OXCT1: variants seen among roughly 807,000 people sequenced by gnomAD.
OXCT1 encodes 3-oxoacid CoA-transferase 1, also known as succinyl-CoA:3-ketoacid coenzyme A transferase 1, mitochondrial.
In OXCT1, 27 loss-of-function variants were observed where a neutral mutation model predicts 69.6. The observed-to-expected ratio is 0.39, with a 90% CI of 0.29 to 0.54. The LOEUF (loss-of-function observed/expected upper bound fraction) is 0.54, where lower values mean the gene tolerates loss of function less well. OXCT1 is among the 20% of genes least tolerant of loss of function. The pLI, the probability that OXCT1 is intolerant of heterozygous loss-of-function variation, is 0.72. For missense variants in OXCT1, 437 were observed against 650.2 expected (o/e 0.67, Z 3.57); for synonymous variants, 202 against 217.8 (o/e 0.93, Z 0.64).
intron 15 of OXCT1, among the ~76,000 whole-genome samples, chr5:41,749,074 A>T (rs368444114): frequency 3.2e-4 from 49 of 152,194 alleles, no homozygotes; most frequent in African/African-American, 1.2e-3. Context: ...CATGCAAGAA[A>T]CAGAATACAT....
At chr5:41,846,491 A>G (rs1273332725) in intron 5 of OXCT1, among the ~76,000 whole-genome samples, 7 of 149,014 alleles carry the variant, frequency 4.7e-5, no homozygotes, top group Non-Finnish European at 1.0e-4. Flanking sequence ...ATAGTATTCC[A>G]TGGTGTATAT....
At chr5:41,750,036 T>C (rs1425550053) in intron 14 of OXCT1, among the ~76,000 whole-genome samples, 1 of 151,976 alleles carries the variant, frequency 6.6e-6, no homozygotes, top group Non-Finnish European at 1.5e-5. Flanking sequence ...ACTTTATCTG[T>C]TAAAAAAGTA....
chr5:41,852,896 A>C (rs1473197169), intron 4 of OXCT1, among the ~76,000 whole-genome samples: 1 of 152,106 alleles, frequency 6.6e-6, no homozygotes, highest in Non-Finnish European at 1.5e-5. Flanking sequence ...CGTCTCTACT[A>C]AAAATACAGA....
At chr5:41,840,593 T>A in intron 6 of OXCT1, 82 bp from the exon 7 acceptor site, 1 of 798,970 alleles carries the variant, frequency 1.3e-6, no homozygotes, top group Non-Finnish European at 2.1e-6. Flanking sequence ...TTTTATAGAT[T>A]AGAATTTCTA....
chr5:41,792,524 C>T (rs1745971934), intron 13 of OXCT1, among the ~76,000 whole-genome samples: 1 of 152,164 alleles, frequency 6.6e-6, no homozygotes, highest in South Asian at 2.1e-4. Flanking sequence ...CTCTACTACC[C>T]CGTATGGCCC....
chr5:41,855,424 T>C (rs1429048265), intron 3 of OXCT1, among the ~76,000 whole-genome samples: 2 of 152,224 alleles, frequency 1.3e-5, no homozygotes, highest in Admixed American at 6.5e-5. Context: ...CTCCATACTA[T>C]GCTTCAAGAA....
chr5:41,731,346 C>T lies in OXCT1; in HGVS notation c.*383G>A. The T allele has an allele frequency of 2.0e-6, 2 of 1,025,082 alleles. No homozygotes were observed. Among genetic ancestry groups the T allele is most frequent in the East Asian group, 1.8e-4 (2 of 11,424 alleles). The allele number at this position is 1,025,082 out of a possible 1,614,324, so 63.5% of individuals were successfully genotyped here. A position where few individuals can be genotyped will look rare whatever the true frequency, so the allele number is the denominator to read the frequency against. On this transcript the variant is annotated 3_prime_UTR_variant, in exon 17 of 17. Transcript: ENST00000196371. Reference sequence around the variant, plus strand: ...GCAACTCTCCTAACCACAAAAATCACATATGTTATCTTTCTTTCAGGACTA... The same window carrying T: ...GCAACTCTCCTAACCACAAAAATCATATATGTTATCTTTCTTTCAGGACTA...
At chr5:41,787,969 A>G (rs550095740) in intron 13 of OXCT1, among the ~76,000 whole-genome samples, 8 of 152,256 alleles carry the variant, frequency 5.3e-5, no homozygotes, top group Admixed American at 2.0e-4. Flanking sequence ...AAAGTGCAAC[A>G]AACAGAAAAT....
rs115620186 is a variant in OXCT1 at position 41,742,041 on chromosome 5, G to T, written c.1420-2550C>A. On this transcript the variant is annotated intron_variant, in intron 15 of 16. Coordinates refer to ENST00000196371, the MANE Select transcript of OXCT1 (RefSeq NM_000436.4). ...AACAAATAAGAAAAAAAGAGCATCT[G>T]GATTAAGTTATTAAGAACAGGCATG... 8.6e-3 allele frequency among the ~76,000 whole-genome samples: 1,308 copies of T among 152,166 alleles called. 8 individuals carry two copies. The highest frequency in any genetic ancestry group is 0.031 in the Middle Eastern group (9 of 294).
intron 7 of OXCT1, among the ~76,000 whole-genome samples, chr5:41,835,532 AACCAC>A (rs1426119736): frequency 1.3e-5 from 2 of 152,236 alleles, no homozygotes; most frequent in Non-Finnish European, 2.9e-5. Flanking sequence ...GTGATTCATA[AACCAC>A]ACAGGCTACA....
rs367584226 is a variant in OXCT1, at chr5:41,767,722, GTATA to G, written c.1249-5526_1249-5523del. On this transcript the variant is annotated intron_variant, in intron 13 of 16. Coordinates refer to ENST00000196371, the MANE Select transcript of OXCT1 (RefSeq NM_000436.4). ...TCTAGTATCTAATATATATGTGTGTGTATATATATATATATATATATATATATAT... is the reference window on the plus strand; with the variant it reads ...TCTAGTATCTAATATATATGTGTGTGTATATATATATATATATATATATAT... Among the ~76,000 whole-genome samples, 559 of 89,942 alleles carry G rather than the reference GTATA, an allele frequency of 6.2e-3. 13 individuals carry two copies. Among genetic ancestry groups the G allele is most frequent in the African/African-American group, 0.019 (355 of 18,574 alleles). 59.0% of individuals were successfully genotyped at this position (89,942 alleles called of 152,430 possible). A position where few individuals can be genotyped will look rare whatever the true frequency, so the allele number is the denominator to read the frequency against.
In OXCT1 at chr5:41,749,576, G is replaced by A. The variant is rs369643387; in HGVS notation, c.1370C>T (p.Thr457Ile). The A allele has an allele frequency of 1.9e-6, 3 of 1,609,110 alleles. No individual in the cohort carries two copies. Among genetic ancestry groups the A allele is most frequent in the East Asian group, 2.2e-5 (1 of 44,708 alleles). The part of the protein sequence containing the change: ...GNAHKIMEKC[T>I]LPLTGKQCVN... Reference sequence around the variant, plus strand: ...ACATTGCTTTCCAGTCAATGGTAATGTACATTTCTCCATGATTTTATGTGC... The same window carrying A: ...ACATTGCTTTCCAGTCAATGGTAATATACATTTCTCCATGATTTTATGTGC... The change falls in exon 15 of 17, where the codon ACA (threonine) becomes ATA (isoleucine). Residue 457 changes from threonine to isoleucine, a missense_variant. Thr to Ile is a moderately conservative substitution (Grantham distance 89). Coordinates refer to ENST00000196371, the MANE Select transcript of OXCT1 (RefSeq NM_000436.4).
intron 5 of OXCT1, among the ~76,000 whole-genome samples, chr5:41,846,905 T>A (rs1419139638): frequency 6.6e-6 from 1 of 152,178 alleles, no homozygotes; most frequent in South Asian, 2.1e-4. Flanking sequence ...TTTTTTCATG[T>A]TTTTTGGCTG....
chr5:41,788,267 C>T (rs1449060167), intron 13 of OXCT1, among the ~76,000 whole-genome samples: 1 of 151,698 alleles, frequency 6.6e-6, no homozygotes, highest in African/African-American at 2.4e-5. Context: ...ATAAAATACT[C>T]AAAAAATACG....
chr5:41,736,535 T>A (rs1201859223), intron 16 of OXCT1, among the ~76,000 whole-genome samples: 1 of 152,216 alleles, frequency 6.6e-6, no homozygotes, highest in Non-Finnish European at 1.5e-5. Context: ...CCCAAATATT[T>A]CACTATCATT....
At chr5:41,781,771 C>T (rs1561071441) in intron 13 of OXCT1, among the ~76,000 whole-genome samples, 3 of 152,180 alleles carry the variant, frequency 2.0e-5, no homozygotes. Context: ...CAGGTCCCTG[C>T]AAAGAACATG....
chr5:41,798,358 G>A (rs1746275008), intron 11 of OXCT1, among the ~76,000 whole-genome samples: 1 of 152,174 alleles, frequency 6.6e-6, no homozygotes, highest in Non-Finnish European at 1.5e-5. Context: ...TACCTCTAGA[G>A]CAGAGTTTCT....
At chr5:41,858,029 T>C (rs899586931) in intron 3 of OXCT1, among the ~76,000 whole-genome samples, 10 of 152,190 alleles carry the variant, frequency 6.6e-5, no homozygotes, top group Non-Finnish European at 1.5e-4. Flanking sequence ...CCATTACCCA[T>C]TTTAAGTTGG....
chr5:41,821,570 G>A (rs1010067424), intron 7 of OXCT1, among the ~76,000 whole-genome samples: 4 of 152,194 alleles, frequency 2.6e-5, no homozygotes, highest in Admixed American at 2.0e-4. Context: ...ATTCTCACCA[G>A]CAATGATTGA....
Sources: allele counts gnomAD v4.1 joint callset (sites outside exome capture counted in the v4.1 genomes callset), GRCh38; gene constraint gnomAD v4.1.1; transcripts MANE v1.5; gene names NCBI Gene and HGNC (gene_info 2026-07-23, HGNC 2026-07-21).